ADGRB3: variants seen among roughly 807,000 people sequenced by gnomAD.
ADGRB3 encodes the protein brain-specific angiogenesis inhibitor 3.
A neutral mutation model predicts 193.4 loss-of-function variants in ADGRB3; 37 were observed. That is an observed-to-expected ratio of 0.19 (90% CI 0.15 to 0.25). ADGRB3 has a LOEUF of 0.25. ADGRB3 is among the 10% of genes least tolerant of loss of function. The pLI, the probability that ADGRB3 is intolerant of heterozygous loss-of-function variation, is 1.00. For synonymous variants in ADGRB3, 690 were observed against 644.2 expected (o/e 1.07, Z -1.08); for missense variants, 1,637 against 1,852.9 (o/e 0.88, Z 2.14).
chr6:68,920,821 A>G (rs1767022579), intron 3 of ADGRB3, among the ~76,000 whole-genome samples: 1 of 152,212 alleles, frequency 6.6e-6, no homozygotes, highest in African/African-American at 2.4e-5. Context: ...TTAAATCTAA[A>G]TTATTAAAGC....
intron 3 of ADGRB3, among the ~76,000 whole-genome samples, chr6:68,701,476 A>C (rs1765241418): frequency 6.6e-6 from 1 of 152,188 alleles, no homozygotes; most frequent in Non-Finnish European, 1.5e-5. Context: ...AATTGATCTG[A>C]GTTAATATGT....
intron 16 of ADGRB3, among the ~76,000 whole-genome samples, chr6:69,070,740 A>G (rs563770813): frequency 7.5e-4 from 114 of 152,328 alleles, no homozygotes; most frequent in Non-Finnish European, 1.3e-3. Context: ...ATCCCAGTTT[A>G]TTCTGAAGTA....
chr6:69,351,156 C>G (rs1393419636), intron 26 of ADGRB3, among the ~76,000 whole-genome samples: 1 of 150,562 alleles, frequency 6.6e-6, no homozygotes, highest in Non-Finnish European at 1.5e-5. Flanking sequence ...TACAATGGCA[C>G]AATCTCGGCT....
intron 16 of ADGRB3, among the ~76,000 whole-genome samples, chr6:69,071,885 G>A (rs1772090689): frequency 6.6e-6 from 1 of 151,682 alleles, no homozygotes; most frequent in African/African-American, 2.4e-5. Context: ...TGTTATATTG[G>A]GCTACTTCTC....
intron 17 of ADGRB3, among the ~76,000 whole-genome samples, chr6:69,221,130 T>C (rs976681858): frequency 1.3e-5 from 2 of 152,150 alleles, no homozygotes; most frequent in African/African-American, 4.8e-5. Context: ...TTCAAATGTA[T>C]GAGGTTAAAG....
chr6:69,350,405 C>G (rs184165236), intron 26 of ADGRB3, among the ~76,000 whole-genome samples: 175 of 151,752 alleles, frequency 1.2e-3, no homozygotes, highest in Non-Finnish European at 2.1e-3. Context: ...GATATTTGAC[C>G]CTCTGCCTAT....
intron 6 of ADGRB3, among the ~76,000 whole-genome samples, chr6:68,949,395 C>CT (rs148874585): frequency 0.096 from 14,549 of 152,164 alleles, 918 homozygotes; most frequent in Non-Finnish European, 0.14. Context: ...CTTACAAACT[C>CT]TAAGAAGAGA....
At chr6:69,059,038 T>C (rs745333591) in intron 15 of ADGRB3, among the ~76,000 whole-genome samples, 3 of 152,090 alleles carry the variant, frequency 2.0e-5, no homozygotes, top group Non-Finnish European at 4.4e-5. Flanking sequence ...TTAATCTGTC[T>C]AGTTATTAAA....
At chr6:69,372,341 T>C in intron 29 of ADGRB3, 65 bp from the exon 30 acceptor site, 1 of 917,896 alleles carries the variant, frequency 1.1e-6, no homozygotes, top group Non-Finnish European at 1.6e-6. Context: ...ATTTTTCATT[T>C]TGTTTGAATG....
chr6:68,913,450 T>C (rs1185535829), intron 3 of ADGRB3, among the ~76,000 whole-genome samples: 1 of 152,198 alleles, frequency 6.6e-6, no homozygotes, highest in Non-Finnish European at 1.5e-5. Flanking sequence ...AGTGGACCTC[T>C]AGCAAACTCC....
intron 3 of ADGRB3, among the ~76,000 whole-genome samples, chr6:68,901,490 T>C (rs1766392578): frequency 6.6e-6 from 1 of 152,206 alleles, no homozygotes; most frequent in South Asian, 2.1e-4. Flanking sequence ...ACCCAGATGC[T>C]AAATCCAGGG....
At chr6:68,756,934 A>G (rs572215266) in intron 3 of ADGRB3, among the ~76,000 whole-genome samples, 1 of 152,254 alleles carries the variant, frequency 6.6e-6, no homozygotes, top group African/African-American at 2.4e-5. Flanking sequence ...TGCTGTTACC[A>G]GATTCATTTC....
intron 10 of ADGRB3, among the ~76,000 whole-genome samples, chr6:68,983,983 C>T (rs901655302): frequency 2.0e-5 from 3 of 152,026 alleles, no homozygotes; most frequent in Non-Finnish European, 2.9e-5. Flanking sequence ...TTCCATGTAG[C>T]GAAAATAACA....
chr6:68,646,654 A>G (rs1014487671), intron 3 of ADGRB3, among the ~76,000 whole-genome samples: 1 of 151,988 alleles, frequency 6.6e-6, no homozygotes, highest in African/African-American at 2.4e-5. Context: ...ACAGGACTGG[A>G]GAACATTTTA....
At chr6:68,768,036 G>A (rs922599609) in intron 3 of ADGRB3, among the ~76,000 whole-genome samples, 7 of 152,004 alleles carry the variant, frequency 4.6e-5, no homozygotes, top group African/African-American at 1.7e-4. Flanking sequence ...AAGGAAATAA[G>A]AGAAGACACA....
chr6:68,815,207 G>T (rs1185463050), intron 3 of ADGRB3, among the ~76,000 whole-genome samples: 1 of 152,086 alleles, frequency 6.6e-6, no homozygotes, highest in Non-Finnish European at 1.5e-5. Context: ...CTACTCAGCT[G>T]CTTTCTTTGA....
intron 15 of ADGRB3, among the ~76,000 whole-genome samples, chr6:69,056,891 C>T (rs62416803): frequency 0.077 from 11,688 of 152,146 alleles, 573 homozygotes; most frequent in African/African-American, 0.13. Context: ...ACCTTTCTTT[C>T]TTAAGACTGC....
intron 3 of ADGRB3, among the ~76,000 whole-genome samples, chr6:68,722,682 T>C (rs1348426401): frequency 6.6e-6 from 1 of 151,468 alleles, no homozygotes; most frequent in Non-Finnish European, 1.5e-5. Flanking sequence ...TTCAATTAGA[T>C]ATGTGTTCCT....
chr6:68,888,226 A>T (rs1241670052), intron 3 of ADGRB3, among the ~76,000 whole-genome samples: 1 of 152,146 alleles, frequency 6.6e-6, no homozygotes, highest in South Asian at 2.1e-4. Flanking sequence ...AGCACTGATA[A>T]TCACCATTCC....
Sources: gnomAD v4.1 joint callset for allele counts (sites outside exome capture counted in the v4.1 genomes callset) on GRCh38, gnomAD v4.1.1 for gene constraint, MANE v1.5 for transcripts, NCBI Gene and HGNC (gene_info 2026-07-23, HGNC 2026-07-21) for gene names.